Variants in RGS6 observed in about 807,000 individuals in gnomAD.
RGS6 encodes the protein regulator of G protein signaling 6, also known as regulator of G-protein signaling 6.
In RGS6, 30 loss-of-function variants were observed where a neutral mutation model predicts 78.5. The ratio of observed to expected loss-of-function variants is 0.38; its 90% CI spans 0.29 to 0.52. RGS6 has a LOEUF of 0.52. RGS6 is among the 20% of genes least tolerant of loss of function. The pLI is 0.85. For synonymous variants in RGS6, 206 were observed against 206.0 expected, an observed-to-expected ratio of 1.00 and a Z score of 0.00; for missense variants, 495 against 609.7, an observed-to-expected ratio of 0.81 and a Z score of 1.98.
intron 17 of RGS6, chr14:72,550,505 G>A: frequency 6.5e-7 from 1 of 1,535,704 alleles, no homozygotes. Context: ...TAACATCATA[G>A]CACATTACAC....
chr14:72,192,357 T>C (rs2153721344), intron 2 of RGS6, among the ~76,000 whole-genome samples: 1 of 152,242 alleles, frequency 6.6e-6, no homozygotes, highest in Middle Eastern at 3.4e-3. Flanking sequence ...GGGAGAAAGA[T>C]GGTACAAAGA....
rs74753635 is a variant in RGS6, at chr14:72,107,980, G to A, written c.84+143105G>A. Among the ~76,000 whole-genome samples, 1,100 of 152,128 alleles carry A rather than the reference G, an allele frequency of 7.2e-3. 13 individuals are homozygous for A. The highest frequency in any genetic ancestry group is 0.026 in the African/African-American group (1,063 of 41,520). On this transcript the variant is annotated intron_variant, in intron 2 of 17. Transcript: ENST00000553525. The stretch of plus-strand genomic sequence containing the variant: ...CCTAATCTGTTTTTATCAGGTAATA[G>A]TTATTAATGCTATACTCTCTTCCAT...
intron 2 of RGS6, among the ~76,000 whole-genome samples, chr14:72,055,297 T>C (rs1429709129): frequency 6.6e-6 from 1 of 151,528 alleles, no homozygotes; most frequent in Non-Finnish European, 1.5e-5. Context: ...CAACTCTTTG[T>C]ATTTTCAGAC....
At chr14:72,133,115 G>C (rs2096363121) in intron 2 of RGS6, among the ~76,000 whole-genome samples, 1 of 152,068 alleles carries the variant, frequency 6.6e-6, no homozygotes, top group African/African-American at 2.4e-5. Context: ...TCTCTCATTG[G>C]GTAGGGACAT....
intron 6 of RGS6, among the ~76,000 whole-genome samples, chr14:72,460,530 A>T (rs1051789092): frequency 9.2e-5 from 14 of 152,184 alleles, no homozygotes; most frequent in Admixed American, 9.2e-4. Context: ...TGACCAACAG[A>T]CACTCACTAG....
chr14:71,948,473 C>T (rs970046980), intron 1 of RGS6, among the ~76,000 whole-genome samples: 3 of 152,342 alleles, frequency 2.0e-5, no homozygotes, highest in Admixed American at 2.0e-4. Flanking sequence ...ACCCAATATG[C>T]TGCATCCTTC....
chr14:72,256,628 G>T (rs1224243482), intron 2 of RGS6, among the ~76,000 whole-genome samples: 1 of 152,110 alleles, frequency 6.6e-6, no homozygotes, highest in Non-Finnish European at 1.5e-5. Flanking sequence ...AAACAAGGAG[G>T]GGGTTAGTTT....
At chr14:71,912,523 G>T in the RGS6 span, among the ~76,000 whole-genome samples, 1 of 152,176 alleles carries the variant, frequency 6.6e-6, no homozygotes, top group Admixed American at 6.5e-5. Flanking sequence ...GAAGAAGGAG[G>T]AAGGGAGCTG....
intron 1 of RGS6, among the ~76,000 whole-genome samples, chr14:71,942,065 A>G (rs116451310): frequency 6.6e-6 from 1 of 152,326 alleles, no homozygotes; most frequent in African/African-American, 2.4e-5. Context: ...ATGGAGGAAT[A>G]TCTTTCTGGA....
chr14:72,178,433 G>A (rs766581972), intron 2 of RGS6, among the ~76,000 whole-genome samples: 5 of 152,182 alleles, frequency 3.3e-5, no homozygotes, highest in South Asian at 4.1e-4. Flanking sequence ...ATCCTGAGAC[G>A]TTCTAGGCCT....
At chr14:72,359,379 G>A (rs773585913) in intron 3 of RGS6, among the ~76,000 whole-genome samples, 5 of 150,752 alleles carry the variant, frequency 3.3e-5, no homozygotes, top group South Asian at 4.2e-4. Flanking sequence ...GGTGCCAGGG[G>A]TTGGGGTGGG....
intron 13 of RGS6, among the ~76,000 whole-genome samples, chr14:72,497,188 ATCTTTTTCATTCCCT>A (rs2096656878): frequency 6.6e-6 from 1 of 152,206 alleles, no homozygotes; most frequent in Non-Finnish European, 1.5e-5. Flanking sequence ...ACTGTAACAC[ATCTTTTTCATTCCCT>A]TAGCTTAAAA....
chr14:71,957,523 C>G (rs2092880297), intron 1 of RGS6, among the ~76,000 whole-genome samples: 1 of 151,988 alleles, frequency 6.6e-6, no homozygotes, highest in Admixed American at 6.6e-5. Context: ...AGTGGGCATA[C>G]TATTTACAGA....
chr14:72,192,792 C>A (rs375968973), intron 2 of RGS6, among the ~76,000 whole-genome samples: 3 of 152,142 alleles, frequency 2.0e-5, no homozygotes, highest in African/African-American at 7.2e-5. Context: ...CTTTTCACCA[C>A]GAGGGACTCA....
chr14:72,015,835 G>T (rs1249421096), intron 2 of RGS6, among the ~76,000 whole-genome samples: 4 of 152,078 alleles, frequency 2.6e-5, no homozygotes, highest in Non-Finnish European at 5.9e-5. Context: ...TGTCTCTTCT[G>T]TACTCAGTGG....
chr14:72,164,765 C>T (rs1389143965), intron 2 of RGS6, among the ~76,000 whole-genome samples: 2 of 152,102 alleles, frequency 1.3e-5, no homozygotes, highest in African/African-American at 2.4e-5. Context: ...GGTGATAACG[C>T]TTAACTAGTG....
At chr14:72,506,161 C>T (rs764614895) in intron 13 of RGS6, among the ~76,000 whole-genome samples, 2 of 152,332 alleles carry the variant, frequency 1.3e-5, no homozygotes, top group Non-Finnish European at 2.9e-5. Context: ...GTGCTGAACA[C>T]TTGCCATGTG....
intron 12 of RGS6, among the ~76,000 whole-genome samples, chr14:72,494,297 A>G (rs886735679): frequency 6.6e-6 from 1 of 152,196 alleles, no homozygotes; most frequent in African/African-American, 2.4e-5. Context: ...TGTAACACAA[A>G]TCTATTTGGA....
intron 2 of RGS6, among the ~76,000 whole-genome samples, chr14:71,976,224 T>A (rs975252790): frequency 1.3e-3 from 191 of 149,656 alleles, no homozygotes; most frequent in Non-Finnish European, 2.2e-3. Flanking sequence ...TTTTTTTTCT[T>A]TTTTTTTTGT....
Sources: allele counts gnomAD v4.1 joint callset (sites outside exome capture counted in the v4.1 genomes callset), GRCh38; gene constraint gnomAD v4.1.1; transcripts MANE v1.5; gene names NCBI Gene and HGNC (gene_info 2026-07-23, HGNC 2026-07-21).